The following BMERB1 variants were observed in gnomAD, a reference collection of about 807,000 sequenced individuals.
BMERB1 encodes the protein bMERB domain-containing protein 1.
BMERB1 carries 12 observed loss-of-function variants against 23.6 expected under a neutral mutation model. That is an observed-to-expected ratio of 0.51 (90% CI 0.33 to 0.82). The LOEUF (loss-of-function observed/expected upper bound fraction) is 0.82. Among genes scored for constraint, BMERB1 ranks in the 40% least tolerant of loss-of-function variants. The pLI, the probability that BMERB1 is intolerant of heterozygous loss-of-function variation, is 0.03. For missense variants in BMERB1, 247 were observed against 255.4 expected (o/e 0.97, Z 0.22); for synonymous variants, 122 against 96.6 (o/e 1.26, Z -1.54).
chr16:15,466,386 T>G (rs955201569), intron 1 of BMERB1, among the ~76,000 whole-genome samples: 1 of 152,222 alleles, frequency 6.6e-6, no homozygotes, highest in Admixed American at 6.5e-5. Context: ...TTTCCTCTTC[T>G]GTGAATCCTG....
At chr16:15,519,213 C>T (rs1302280166) in intron 2 of BMERB1, among the ~76,000 whole-genome samples, 2 of 151,966 alleles carry the variant, frequency 1.3e-5, no homozygotes, top group African/African-American at 4.8e-5. Context: ...TGTGACAGCC[C>T]TGGGCTGAAA....
At position 15,480,048 on chromosome 16, in the gene BMERB1, G is replaced by T. The variant is rs373829492; in HGVS notation, c.107-35257G>T. On this transcript the variant is annotated intron_variant, in intron 1 of 5. Coordinates refer to ENST00000300006, the MANE Select transcript of BMERB1 (RefSeq NM_033201.3). ...AATATATATTTAAAAAGCTCTTTGGGTCCTCCATATTTTTTTAAATGGCCA... is the reference window on the plus strand; with the variant it reads ...AATATATATTTAAAAAGCTCTTTGGTTCCTCCATATTTTTTTAAATGGCCA... Among the ~76,000 whole-genome samples, 17 of 147,622 alleles carry T rather than the reference G, an allele frequency of 1.2e-4. No individual in the cohort carries two copies. In the East Asian group the frequency reaches 1.4e-3, roughly 12 times the overall value.
chr16:15,458,575 A>G (rs2051106966), intron 1 of BMERB1, among the ~76,000 whole-genome samples: 1 of 151,658 alleles, frequency 6.6e-6, no homozygotes, highest in Non-Finnish European at 1.5e-5. Flanking sequence ...AAATTAGCTG[A>G]GTATGGTGGT....
chr16:15,587,100 C>T lies in BMERB1; in HGVS notation c.*271C>T, dbSNP rs2031167745. 4.4e-6 allele frequency: 2 copies of T among 454,346 alleles called. No individual in the cohort carries two copies. Among genetic ancestry groups the T allele is most frequent in the South Asian group, 7.0e-5 (2 of 28,512 alleles). The allele number at this position is 454,346 out of a possible 1,614,324, so 28.1% of individuals were successfully genotyped here. On this transcript the variant is annotated 3_prime_UTR_variant, in exon 6 of 6. Transcript: ENST00000300006. ...TGTTTATCCAAACACCAGGAAAGGT[C>T]CTCCCTCAAAAAAGCATATCTCCAC...
chr16:15,472,733 T>G (rs1214791031), intron 1 of BMERB1, among the ~76,000 whole-genome samples: 5 of 152,214 alleles, frequency 3.3e-5, no homozygotes, highest in Non-Finnish European at 7.3e-5. Context: ...CCATTTACAT[T>G]TAAGGCAATT....
At chr16:15,524,305 T>C (rs1215536411) in intron 2 of BMERB1, among the ~76,000 whole-genome samples, 1 of 151,914 alleles carries the variant, frequency 6.6e-6, no homozygotes, top group Non-Finnish European at 1.5e-5. Flanking sequence ...TACAAGAAGT[T>C]GGGGTGTAGG....
chr16:15,491,557 G>A (rs2051420403), intron 1 of BMERB1, among the ~76,000 whole-genome samples: 1 of 152,130 alleles, frequency 6.6e-6, no homozygotes, highest in South Asian at 2.1e-4. Context: ...TTTTCAGTGT[G>A]GCCTATAGGC....
intron 4 of BMERB1, among the ~76,000 whole-genome samples, chr16:15,582,260 G>A (rs1358183173): frequency 2.6e-5 from 4 of 152,144 alleles, no homozygotes; most frequent in South Asian, 2.1e-4. Context: ...TTAGCCGGGC[G>A]TGGTGGTGCA....
intron 1 of BMERB1, among the ~76,000 whole-genome samples, chr16:15,514,366 A>T (rs1823050254): frequency 6.6e-6 from 1 of 152,150 alleles, no homozygotes; most frequent in South Asian, 2.1e-4. Context: ...CTGGTCTTAG[A>T]GGCTTAGACC....
rs1408569667 is a variant in BMERB1 at position 15,583,142 on chromosome 16, A to G, written c.420-14A>G. 1.3e-6 allele frequency: 2 copies of G among 1,592,898 alleles called. No individual in the cohort carries two copies. Among genetic ancestry groups the G allele is most frequent in the Non-Finnish European group, 1.7e-6 (2 of 1,160,798 alleles). ...CTGTGTATCTTCTTTTCTTTTACCC[A>G]TCTACTTTCACAGGGAGCAAGAAGA... On this transcript the variant is annotated splice_polypyrimidine_tract_variant and intron_variant, in intron 4 of 5. Coordinates refer to ENST00000300006, the MANE Select transcript of BMERB1 (RefSeq NM_033201.3).
In BMERB1 at chr16:15,435,099, T is replaced by A. The variant is rs572503759; in HGVS notation, c.106+340T>A. Among the ~76,000 whole-genome samples, 3 of 152,306 alleles carry A rather than the reference T, an allele frequency of 2.0e-5. No individual in the cohort carries two copies. The South Asian group carries it at 6.2e-4, about 32-fold the overall frequency. ...CCACAGCCCAGGGAGGAGGATCCTCTCTCCGCCTGGGATGCGCCAGGGCGC... is the reference window on the plus strand; with the variant it reads ...CCACAGCCCAGGGAGGAGGATCCTCACTCCGCCTGGGATGCGCCAGGGCGC... On this transcript the variant is annotated intron_variant, in intron 1 of 5. Transcript: ENST00000300006.
intron 2 of BMERB1, among the ~76,000 whole-genome samples, chr16:15,525,573 C>T (rs1306317149): frequency 6.6e-6 from 1 of 151,912 alleles, no homozygotes; most frequent in East Asian, 1.9e-4. Context: ...GCTGTGGTGG[C>T]GTGTGCTTTC....
chr16:15,548,511 A>G (rs968637287), intron 2 of BMERB1, among the ~76,000 whole-genome samples: 3 of 152,164 alleles, frequency 2.0e-5, no homozygotes, highest in Non-Finnish European at 4.4e-5. Context: ...TGGGTAGCTC[A>G]AAATCTGCAG....
At chr16:15,504,081 T>C (rs186967868) in intron 1 of BMERB1, among the ~76,000 whole-genome samples, 6 of 152,320 alleles carry the variant, frequency 3.9e-5, no homozygotes, top group Admixed American at 6.5e-5. Flanking sequence ...TGGGTATGCT[T>C]GTTCCCCAAT....
chr16:15,587,618 A>G lies in BMERB1; in HGVS notation c.*789A>G. The G allele has an allele frequency of 2.3e-6, 1 of 425,960 alleles. No homozygotes were observed. Among genetic ancestry groups the G allele is most frequent in the South Asian group, 1.6e-5 (1 of 61,376 alleles). 26.4% of individuals were successfully genotyped at this position (425,960 alleles called of 1,614,324 possible). A position where few individuals can be genotyped will look rare whatever the true frequency, so the allele number is the denominator to read the frequency against. On this transcript the variant is annotated 3_prime_UTR_variant, in exon 6 of 6. Transcript: ENST00000300006. Reference sequence around the variant, plus strand: ...AGCAGTTGAGAATGGGACCCAGAGTAGATGCTGACCTGGGCACTCCACCAT... The same window carrying G: ...AGCAGTTGAGAATGGGACCCAGAGTGGATGCTGACCTGGGCACTCCACCAT...
chr16:15,511,302 C>T (rs955237844), intron 1 of BMERB1, among the ~76,000 whole-genome samples: 1 of 152,142 alleles, frequency 6.6e-6, no homozygotes, highest in African/African-American at 2.4e-5. Context: ...TCCCTCCTCT[C>T]CCTCCACTGT....
At chr16:15,503,286 A>AT (rs376190337) in intron 1 of BMERB1, among the ~76,000 whole-genome samples, 231 of 145,198 alleles carry the variant, frequency 1.6e-3, no homozygotes, top group Middle Eastern at 3.5e-3. Context: ...ACATCCAAGG[A>AT]TTTTTTTTTT....
intron 1 of BMERB1, among the ~76,000 whole-genome samples, chr16:15,451,889 T>G (rs1306382914): frequency 6.6e-6 from 1 of 151,898 alleles, no homozygotes; most frequent in African/African-American, 2.4e-5. Flanking sequence ...TGAGTATTTC[T>G]TACTGTGATC....
At chr16:15,585,035 A>C (rs1284516497) in intron 5 of BMERB1, among the ~76,000 whole-genome samples, 1 of 152,208 alleles carries the variant, frequency 6.6e-6, no homozygotes, top group Non-Finnish European at 1.5e-5. Flanking sequence ...ACAAAAACCA[A>C]AAGCTGCCAC....
Sources: allele counts gnomAD v4.1 joint callset (sites outside exome capture counted in the v4.1 genomes callset), GRCh38; gene constraint gnomAD v4.1.1; transcripts MANE v1.5; gene names NCBI Gene and HGNC (gene_info 2026-07-23, HGNC 2026-07-21).